The following NCOA3 variants were observed in gnomAD, a reference collection of about 807,000 sequenced individuals.
NCOA3 encodes CBP-interacting protein.
A neutral mutation model predicts 158.8 loss-of-function variants in NCOA3; 51 were observed. The observed-to-expected ratio is 0.32, with a 90% CI of 0.26 to 0.41. NCOA3 has a LOEUF of 0.41. Ranked by LOEUF, NCOA3 falls within the 10% of genes least tolerant of loss-of-function variation. The probability of loss-of-function intolerance (pLI) is 1.00; values close to 1 mark genes in which losing one functional copy is unlikely to be tolerated. For missense variants in NCOA3, 1,510 were observed against 1,746.6 expected, an observed-to-expected ratio of 0.86 and a Z score of 2.41; for synonymous variants, 537 against 592.4, an observed-to-expected ratio of 0.91 and a Z score of 1.36.
At chr20:47,638,116 C>T (rs553028866) in intron 13 of NCOA3, among the ~76,000 whole-genome samples, 1 of 152,220 alleles carries the variant, frequency 6.6e-6, no homozygotes, top group Admixed American at 6.5e-5. Context: ...GATTAAAAAG[C>T]AACTCAGACT....
chr20:47,543,694 T>A (rs2084781338), intron 1 of NCOA3, among the ~76,000 whole-genome samples: 1 of 152,008 alleles, frequency 6.6e-6, no homozygotes, highest in Admixed American at 6.6e-5. Flanking sequence ...GCTTTTAGTG[T>A]AGACGGGGTT....
At chr20:47,502,386 T>A (rs1478019987) in intron 1 of NCOA3, among the ~76,000 whole-genome samples, 1 of 152,112 alleles carries the variant, frequency 6.6e-6, no homozygotes, top group Non-Finnish European at 1.5e-5. Context: ...CCCAGCCCTT[T>A]TGAAAGCTCC....
chr20:47,613,497 A>G (rs995691889), intron 2 of NCOA3, among the ~76,000 whole-genome samples: 41 of 48,572 alleles, frequency 8.4e-4, no homozygotes, highest in Non-Finnish European at 1.3e-3. Context: ...AATTAAATTG[A>G]AAAAAAAAAA....
chr20:47,644,666 C>T (rs548989797), intron 17 of NCOA3, among the ~76,000 whole-genome samples: 5 of 152,042 alleles, frequency 3.3e-5, no homozygotes, highest in African/African-American at 2.4e-5. Context: ...GGGGAACTAG[C>T]CCTAGCCCTT....
chr20:47,513,899 ATATAT>A (rs918731470), intron 1 of NCOA3, among the ~76,000 whole-genome samples: 7 of 152,144 alleles, frequency 4.6e-5, no homozygotes, highest in East Asian at 1.9e-4. Flanking sequence ...CCTTCCATAA[ATATAT>A]TATACATCAA....
At chr20:47,652,317 TAA>T in intron 20 of NCOA3, 87 bp from the exon 21 acceptor site, 2 of 1,016,656 alleles carry the variant, frequency 2.0e-6, no homozygotes, top group Non-Finnish European at 2.8e-6. Context: ...CCACCTCCTT[TAA>T]AAAAAAAACA....
At chr20:47,648,950 G>C in intron 18 of NCOA3, 55 bp from the exon 19 acceptor site, 2 of 1,124,730 alleles carry the variant, frequency 1.8e-6, no homozygotes, top group Non-Finnish European at 2.7e-6. Flanking sequence ...CTGGAAAGCT[G>C]TTTTGGCAGA....
chr20:47,524,021 G>A (rs1040144565), intron 1 of NCOA3, among the ~76,000 whole-genome samples: 2 of 152,238 alleles, frequency 1.3e-5, no homozygotes, highest in African/African-American at 2.4e-5. Flanking sequence ...CATCTTAATA[G>A]GAGCCAGAAT....
intron 2 of NCOA3, among the ~76,000 whole-genome samples, chr20:47,596,859 G>A (rs2085764698): frequency 1.3e-5 from 2 of 152,086 alleles, no homozygotes; most frequent in Admixed American, 1.3e-4. Context: ...TGAAGTGCTG[G>A]GATTACAGGT....
At chr20:47,625,306 C>T in intron 4 of NCOA3, 75 bp from the exon 5 acceptor site, 1 of 959,296 alleles carries the variant, frequency 1.0e-6, no homozygotes, top group Non-Finnish European at 1.7e-6. Context: ...TATGTCTCTT[C>T]TGGGGACTAT....
intron 1 of NCOA3, among the ~76,000 whole-genome samples, chr20:47,515,371 C>T (rs965273535): frequency 1.3e-5 from 2 of 151,130 alleles, no homozygotes; most frequent in Non-Finnish European, 2.9e-5. Flanking sequence ...CTGTCTTAGT[C>T]TTGAACTCCT....
intron 2 of NCOA3, among the ~76,000 whole-genome samples, chr20:47,584,922 T>A (rs2085511715): frequency 6.6e-6 from 1 of 152,198 alleles, no homozygotes; most frequent in African/African-American, 2.4e-5. Flanking sequence ...GTGTGAATAT[T>A]TTAATGGCAT....
chr20:47,567,418 C>T (rs1231417832), intron 1 of NCOA3, among the ~76,000 whole-genome samples: 4 of 150,238 alleles, frequency 2.7e-5, no homozygotes, highest in South Asian at 2.1e-4. Context: ...TTTTAAAGAG[C>T]TAGGATGTTA....
chr20:47,512,569 TAAA>T (rs762228515), intron 1 of NCOA3, among the ~76,000 whole-genome samples: 5 of 84,766 alleles, frequency 5.9e-5, no homozygotes, highest in Admixed American at 2.6e-4. Flanking sequence ...TCTGTCTCAC[TAAA>T]AAAAAAAAAA....
In NCOA3 at chr20:47,635,707, G is replaced by A; in HGVS notation, c.1498G>A (p.Val500Ile). 1 of 1,610,944 alleles carries A rather than the reference G, an allele frequency of 6.2e-7. No individual in the cohort carries two copies. Among genetic ancestry groups the A allele is most frequent in the Non-Finnish European group, 8.5e-7 (1 of 1,178,222 alleles). ...PKIASHQFSPVAGVHSPMASS... is the reference protein window; with the variant it reads ...PKIASHQFSPIAGVHSPMASS... ...GATAGCCTCACATCAGTTTTCTCCT[G>A]TTGCAGGTATTTGTGTTGACATTTC... The change falls in exon 11 of 23, where the codon GTT becomes ATT. Residue 500 changes from valine (V) to isoleucine (I), a missense_variant. Val to Ile is a conservative substitution (Grantham distance 29, BLOSUM62 3). This residue lies in a region of NCOA3 where 1,017 missense variants were observed against 1,098.3 expected (regional missense o/e 0.93). Transcript: ENST00000371998.
chr20:47,547,338 CT>C (rs2084847621), intron 1 of NCOA3, among the ~76,000 whole-genome samples: 1 of 137,484 alleles, frequency 7.3e-6, no homozygotes, highest in African/African-American at 2.6e-5. Context: ...TATCGTTTCT[CT>C]TTAAACCCTG....
intron 2 of NCOA3, among the ~76,000 whole-genome samples, chr20:47,618,785 A>G (rs560396264): frequency 1.3e-5 from 2 of 152,380 alleles, no homozygotes; most frequent in South Asian, 2.1e-4. Flanking sequence ...GCATGTGTCT[A>G]TGGACATAGC....
intron 17 of NCOA3, among the ~76,000 whole-genome samples, chr20:47,646,423 G>A (rs1469268751): frequency 6.6e-6 from 1 of 152,138 alleles, no homozygotes; most frequent in Non-Finnish European, 1.5e-5. Flanking sequence ...AAGCCTGCTT[G>A]GGGGGAAGGG....
intron 1 of NCOA3, among the ~76,000 whole-genome samples, chr20:47,562,252 A>G (rs1228484466): frequency 2.6e-5 from 4 of 152,232 alleles, no homozygotes; most frequent in Non-Finnish European, 5.9e-5. Context: ...GTAAGTTTTC[A>G]ACTTTGGGTA....
Sources: allele counts gnomAD v4.1 joint callset (sites outside exome capture counted in the v4.1 genomes callset), GRCh38; gene constraint gnomAD v4.1.1; regional missense constraint gnomAD v4.1.1; transcripts MANE v1.5; gene names NCBI Gene and HGNC (gene_info 2026-07-23, HGNC 2026-07-21).